Variants in FREM3 observed in about 807,000 individuals in gnomAD.
FREM3 encodes the protein FRAS1-related extracellular matrix protein 3.
FREM3 carries 105 observed loss-of-function variants against 129.1 expected under a neutral mutation model. That is an observed-to-expected ratio of 0.81 (90% CI 0.69 to 0.96). The LOEUF (loss-of-function observed/expected upper bound fraction) is 0.96, where lower values mean the gene tolerates loss of function less well. Ranked by LOEUF, FREM3 falls within the 40% of genes least tolerant of loss-of-function variation. The pLI, the probability that FREM3 is intolerant of heterozygous loss-of-function variation, is 0.00. For missense variants in FREM3, 2,593 were observed against 2,666.3 expected (o/e 0.97, Z 0.61); for synonymous variants, 1,014 against 1,044.9 (o/e 0.97, Z 0.57).
chr4:143,628,169 C>T (rs1227783557), intron 2 of FREM3, among the ~76,000 whole-genome samples: 1 of 152,072 alleles, frequency 6.6e-6, no homozygotes, highest in East Asian at 1.9e-4. Flanking sequence ...ATTTGAGCAT[C>T]CATTTGATCT....
rs1400808426 is a variant in FREM3, at chr4:143,697,426, C to T, written c.3250G>A (p.Glu1084Lys). 1 of 1,537,200 alleles carries T rather than the reference C, an allele frequency of 6.5e-7. No individual in the cohort carries two copies. Among genetic ancestry groups the T allele is most frequent in the Non-Finnish European group, 8.7e-7 (1 of 1,146,870 alleles). The change falls in exon 1 of 8, where the codon GAG becomes AAG. Residue 1084 changes from glutamate (E) to lysine (K), a missense_variant. This residue lies in a region of FREM3 where 2,276 missense variants were observed against 2,267.2 expected (regional missense o/e 1.00). Transcript: ENST00000329798. Reference sequence around the variant, plus strand: ...TGTTGTAAGGTCAAGGAGTTCTTCTCACCTTCATAGACAATGAAGGACTCC... The same window carrying T: ...TGTTGTAAGGTCAAGGAGTTCTTCTTACCTTCATAGACAATGAAGGACTCC... ...VGESFIVYEG[E>K]KNSLTLQHLH... is the part of the protein sequence containing the mutation.
At position 143,647,129 on chromosome 4, in the gene FREM3, T is replaced by A. The variant is rs551254728; in HGVS notation, c.5276-19369A>T. 3.0e-4 allele frequency among the ~76,000 whole-genome samples: 46 copies of A among 152,208 alleles called. 1 individual carries two copies. The South Asian group carries it at 7.9e-3, about 26-fold the overall frequency. ...TGGAGATGAGGAACTTGTCGGAAAT[T>A]GAAATAAAGGTGATTCTTGCTATGC... On this transcript the variant is annotated intron_variant, in intron 2 of 7. Transcript: ENST00000329798.
chr4:143,650,747 C>T (rs144240362), intron 2 of FREM3, among the ~76,000 whole-genome samples: 33 of 152,320 alleles, frequency 2.2e-4, no homozygotes, highest in African/African-American at 7.2e-4. Context: ...CTCACTTGGC[C>T]TCTCAAAGTG....
intron 4 of FREM3, among the ~76,000 whole-genome samples, chr4:143,622,639 T>C (rs140469458): frequency 1.3e-5 from 2 of 152,270 alleles, no homozygotes; most frequent in African/African-American, 4.8e-5. Context: ...TCTACTATCT[T>C]GACACCTTTC....
chr4:143,641,317 A>G (rs1739317765), intron 2 of FREM3, among the ~76,000 whole-genome samples: 1 of 109,612 alleles, frequency 9.1e-6, no homozygotes, highest in African/African-American at 3.0e-5. Context: ...GAAAAAAAGG[A>G]GATAAAAAAG....
chr4:143,678,526 A>G (rs1055166126), intron 2 of FREM3, among the ~76,000 whole-genome samples: 1 of 151,888 alleles, frequency 6.6e-6, no homozygotes, highest in African/African-American at 2.4e-5. Flanking sequence ...TGTACCCTAG[A>G]ACTGAAAGTA....
In FREM3 at chr4:143,696,919, G is replaced by C. The variant is rs144193409; in HGVS notation, c.3757C>G (p.His1253Asp). 8.7e-5 allele frequency: 133 copies of C among 1,537,498 alleles called. 1 individual carries two copies. In the African/African-American group the frequency reaches 1.6e-3, roughly 18 times the overall value. ...QQLATGSQPI[H>D]SFTLKEIQEA... is the part of the protein sequence containing the mutation. ...TGGATCTCCTTGAGGGTGAAGCTGT[G>C]GATGGGCTGGCTGCCTGTAGCCAGC... The change falls in exon 1 of 8, where the codon CAC becomes GAC. Residue 1253 changes from histidine (H) to aspartate (D), a missense_variant. Physicochemically the swap from His to Asp is moderately conservative, Grantham distance 81. Around this residue, in one of 2 missense-constraint regions of FREM3, gnomAD observed 2,276 missense variants for 2,267.2 expected, o/e 1.00. Transcript: ENST00000329798.
chr4:143,582,069 G>C (rs1350162006), intron 7 of FREM3, among the ~76,000 whole-genome samples: 1 of 152,112 alleles, frequency 6.6e-6, no homozygotes, highest in Non-Finnish European at 1.5e-5. Context: ...ACTCTGATTT[G>C]TAGTGGCTCT....
At chr4:143,672,454 T>C (rs998104878) in intron 2 of FREM3, among the ~76,000 whole-genome samples, 6 of 152,230 alleles carry the variant, frequency 3.9e-5, no homozygotes, top group Non-Finnish European at 8.8e-5. Context: ...AAAAAGCATA[T>C]GTTTCAGCTG....
chr4:143,700,581 C>G lies in FREM3; in HGVS notation c.95G>C (p.Arg32Pro), dbSNP rs778384314. The change falls in exon 1 of 8, where the codon CGG (arginine) becomes CCG (proline). Residue 32 changes from arginine to proline, a missense_variant. Coordinates refer to ENST00000329798, the MANE Select transcript of FREM3 (RefSeq NM_001168235.2). ...GGGCTCGGTCCCAAGTGAGGATGCC[C>G]GTCCCTGCAGCGCGGGGCGACTCAA... ...LLLSRPALQG[R>P]ASSLGTEPDP... The G allele has an allele frequency of 1.7e-5, 25 of 1,494,324 alleles. No homozygotes were observed. The highest frequency in any genetic ancestry group is 2.8e-5 in the African/African-American group (2 of 71,728). The allele number at this position is 1,494,324 out of a possible 1,614,324, so 92.6% of individuals were successfully genotyped here. A position where few individuals can be genotyped will look rare whatever the true frequency, so the allele number is the denominator to read the frequency against.
At chr4:143,661,145 C>CTT in intron 2 of FREM3, among the ~76,000 whole-genome samples, 1 of 152,180 alleles carries the variant, frequency 6.6e-6, no homozygotes, top group African/African-American at 2.4e-5. Context: ...TGAGAGAGGG[C>CTT]ATCCCTGTCT....
chr4:143,603,789 A>G (rs1276489475), intron 6 of FREM3, among the ~76,000 whole-genome samples: 1 of 152,196 alleles, frequency 6.6e-6, no homozygotes, highest in African/African-American at 2.4e-5. Context: ...TGGGGACTCT[A>G]GACTAACTCA....
intron 2 of FREM3, among the ~76,000 whole-genome samples, chr4:143,685,042 A>G (rs1278597085): frequency 6.6e-6 from 1 of 152,188 alleles, no homozygotes; most frequent in Non-Finnish European, 1.5e-5. Context: ...GGTGTTTCTT[A>G]GGAAGAAGAG....
Position 143,699,795 on chromosome 4 carries a change from A to G in FREM3, c.881T>C (p.Val294Ala), listed in dbSNP as rs866003625. ...GTTCTCGGCTCCGCCGCGGATCCTC[A>G]CGAGCAGCTGGAAGTGCTCGCGGAC... Reference protein sequence around the residue: ...VLVREHFQLLVRIRGGAENTP... With the variant: ...VLVREHFQLLARIRGGAENTP... Residue 294 changes from valine to alanine, a missense_variant, in exon 1 of 8, where the codon GTG (valine) becomes GCG (alanine). Physicochemically the swap from Val to Ala is moderately conservative, Grantham distance 64 (BLOSUM62 0). Around this residue, in one of 2 missense-constraint regions of FREM3, gnomAD observed 2,276 missense variants for 2,267.2 expected, o/e 1.00. Transcript: ENST00000329798. The surrounding 1 kb of genome is among the most constrained non-coding windows in gnomAD (Gnocchi z 4.2). 1 of 1,536,104 alleles carries G rather than the reference A, an allele frequency of 6.5e-7. No individual in the cohort carries two copies. Among genetic ancestry groups the G allele is most frequent in the Middle Eastern group, 1.7e-4 (1 of 5,990 alleles).
chr4:143,662,893 C>G (rs1159688511), intron 2 of FREM3, among the ~76,000 whole-genome samples: 1 of 152,068 alleles, frequency 6.6e-6, no homozygotes, highest in East Asian at 1.9e-4. Context: ...TTATCAGAAA[C>G]TAGGATTGCA....
intron 2 of FREM3, among the ~76,000 whole-genome samples, chr4:143,655,492 C>G (rs886856356): frequency 3.3e-5 from 5 of 152,162 alleles, no homozygotes; most frequent in South Asian, 2.1e-4. Context: ...AGAGAGTACC[C>G]TCTCATGAAT....
rs757907825 is a variant in FREM3 at position 143,664,815 on chromosome 4, G to A, written c.5275+28298C>T. The stretch of plus-strand genomic sequence containing the variant: ...TGGCGGGCGCCCCTCCCCCAACCTC[G>A]CTGCCGCCTTGCTGTTTGATCTCAG... On this transcript the variant is annotated intron_variant, in intron 2 of 7. Transcript: ENST00000329798. Among the ~76,000 whole-genome samples, 31 of 152,186 alleles carry A rather than the reference G, an allele frequency of 2.0e-4. No individual in the cohort carries two copies. The South Asian group carries it at 5.0e-3, about 24-fold the overall frequency.
chr4:143,585,934 C>A lies in FREM3; in HGVS notation c.6088G>T (p.Glu2030Ter). 6.5e-7 allele frequency: 1 copy of A among 1,537,554 alleles called. No homozygotes were observed. The highest frequency in any genetic ancestry group is 1.4e-5 in the African/African-American group (1 of 73,158). ...GTGCCTCTTCTCCAAACACAAACCT[C>A]CACGTAGCGAGCACTTTCATTGACG... The part of the protein sequence containing the change: ...YHVNESARYV[E>*]VCVWRRGTDL... Residue 2030 changes from glutamate (E) to a stop codon, truncating the protein, a stop_gained, in exon 7 of 8, where the codon GAG (glutamate) becomes TAG (stop). Coordinates refer to ENST00000329798, the MANE Select transcript of FREM3 (RefSeq NM_001168235.2). LOFTEE classifies it high-confidence loss of function. The surrounding 1 kb of genome is among the most constrained non-coding windows in gnomAD (Gnocchi z 4.2).
intron 6 of FREM3, among the ~76,000 whole-genome samples, chr4:143,605,426 G>C (rs1738652027): frequency 6.6e-6 from 1 of 151,934 alleles, no homozygotes; most frequent in East Asian, 1.9e-4. Flanking sequence ...TAACTTTATT[G>C]TTCACCTGAT....
Sources: gnomAD v4.1 joint callset for allele counts (sites outside exome capture counted in the v4.1 genomes callset) on GRCh38, gnomAD v4.1.1 for gene constraint, gnomAD v4.1.1 regional missense constraint, Gnocchi (gnomAD v3.1) non-coding constraint, MANE v1.5 for transcripts, NCBI Gene and HGNC (gene_info 2026-07-23, HGNC 2026-07-21) for gene names.